CTSL: variants seen among roughly 807,000 people sequenced by gnomAD.
CTSL encodes procathepsin L.
CTSL carries 23 observed loss-of-function variants against 34.7 expected under a neutral mutation model. The observed-to-expected ratio is 0.66, with a 90% CI of 0.48 to 0.94. CTSL has a LOEUF of 0.94. CTSL is among the 40% of genes least tolerant of loss of function. CTSL has a pLI of 0.00. For synonymous variants in CTSL, 129 were observed against 136.7 expected, an observed-to-expected ratio of 0.94 and a Z score of 0.39; for missense variants, 361 against 406.3, an observed-to-expected ratio of 0.89 and a Z score of 0.96.
rs1457064012 is a variant in CTSL at position 87,728,705 on chromosome 9, C to T, written c.517C>T (p.Gln173Ter). Residue 173 changes from glutamine (Q) to a stop codon, truncating the protein, a stop_gained, in exon 5 of 8, where the codon CAA becomes TAA. Coordinates refer to ENST00000343150, the MANE Select transcript of CTSL (RefSeq NM_001912.5). LOFTEE classifies it high-confidence loss of function. Reference protein sequence around the residue: ...EQNLVDCSGPQGNEGCNGGLM... With the variant: ...EQNLVDCSGP ...GAATCTGGTAGACTGCTCTGGGCCT[C>T]AAGGCAATGAAGGCTGCAATGGTGG... 6.2e-7 allele frequency: 1 copy of T among 1,614,050 alleles called. No individual in the cohort carries two copies. The highest frequency in any genetic ancestry group is 8.5e-7 in the Non-Finnish European group (1 of 1,180,008).
At chr9:87,727,488 A>C in intron 1 of CTSL, 106 bp from the exon 2 acceptor site, 1 of 1,172,618 alleles carries the variant, frequency 8.5e-7, no homozygotes, top group Non-Finnish European at 1.2e-6. Context: ...TGGGAGAATA[A>C]TTTAAATATT....
rs747231438 is a variant in CTSL, at chr9:87,728,404, A to G, written c.396+8A>G. On this transcript the variant is annotated splice_region_variant and intron_variant, in intron 4 of 7. Transcript: ENST00000343150. The stretch of plus-strand genomic sequence containing the variant: ...ACTCCTGTGAAGAATCAGGTGAGAC[A>G]GTGTCAGGTTCAGACCTCCCATCTT... 5 of 1,611,394 alleles carry G rather than the reference A, an allele frequency of 3.1e-6. No individual in the cohort carries two copies. The South Asian group carries it at 3.3e-5, about 11-fold the overall frequency.
chr9:87,731,176 T>A lies in CTSL; in HGVS notation c.*69T>A. Reference sequence around the variant, plus strand: ...ATGCATGGGAGGAATTCATCTTCAGTCTACCAGCCCCCGCTGTGTCGGATA... The same window carrying A: ...ATGCATGGGAGGAATTCATCTTCAGACTACCAGCCCCCGCTGTGTCGGATA... On this transcript the variant is annotated 3_prime_UTR_variant, in exon 8 of 8. Transcript: ENST00000343150. 1 of 1,167,964 alleles carries A rather than the reference T, an allele frequency of 8.6e-7. No individual in the cohort carries two copies. Among genetic ancestry groups the A allele is most frequent in the Non-Finnish European group, 1.3e-6 (1 of 788,250 alleles). 72.4% of individuals were successfully genotyped at this position (1,167,964 alleles called of 1,614,324 possible). A position where few individuals can be genotyped will look rare whatever the true frequency, so the allele number is the denominator to read the frequency against.
Position 87,728,792 on chromosome 9 carries a change from T to A in CTSL, c.604T>A (p.Tyr202Asn). 1 of 1,614,220 alleles carries A rather than the reference T, an allele frequency of 6.2e-7. No individual in the cohort carries two copies. The highest frequency in any genetic ancestry group is 2.2e-5 in the East Asian group (1 of 44,886). Reference protein sequence around the residue: ...DNGGLDSEESYPYEATEESCK... With the variant: ...DNGGLDSEESNPYEATEESCK... ...TGGAGGCCTGGACTCTGAGGAATCC[T>A]ATCCATATGAGGCAACAGTAAGTGG... The change falls in exon 5 of 8, where the codon TAT becomes AAT. Residue 202 changes from tyrosine to asparagine, a missense_variant. Tyr to Asn is a moderately radical substitution (Grantham distance 143). Coordinates refer to ENST00000343150, the MANE Select transcript of CTSL (RefSeq NM_001912.5).
intron 6 of CTSL, 82 bp from the exon 7 acceptor site, chr9:87,730,299 T>A (rs1826207528): frequency 3.7e-6 from 3 of 814,118 alleles, no homozygotes; most frequent in Middle Eastern, 2.4e-4. Context: ...CAGAGATGCC[T>A]CATTCCCTGT....
intron 6 of CTSL, 120 bp downstream of exon 6, chr9:87,729,855 G>C: frequency 1.1e-6 from 1 of 935,644 alleles, no homozygotes; most frequent in Non-Finnish European, 1.6e-6. Context: ...TAGCATCATA[G>C]TTGTTCATTC....
Position 87,727,702 on chromosome 9 carries a change from G to A in CTSL, c.99G>A (p.Lys33=). Reference sequence around the variant, plus strand: ...TAGAGGCACAGTGGACCAAGTGGAAGGCGATGCACAACAGATTATACGGCA... The same window carrying A: ...TAGAGGCACAGTGGACCAAGTGGAAAGCGATGCACAACAGATTATACGGCA... The part of the protein sequence containing the change: ...HSLEAQWTKW[K]AMHNRLYGMN... Residue 33 remains lysine (K), a synonymous_variant, in exon 2 of 8, where the codon AAG becomes AAA. Coordinates refer to ENST00000343150, the MANE Select transcript of CTSL (RefSeq NM_001912.5). 2 of 1,614,176 alleles carry A rather than the reference G, an allele frequency of 1.2e-6. No homozygotes were observed. Among genetic ancestry groups the A allele is most frequent in the Admixed American group, 1.7e-5 (1 of 60,016 alleles).
intron 5 of CTSL, 196 bp downstream of exon 5, chr9:87,729,005 G>A: frequency 4.3e-6 from 6 of 1,379,974 alleles, no homozygotes; most frequent in Non-Finnish European, 5.7e-6. Flanking sequence ...GGGCAACAAG[G>A]TGAAACCTTG....
intron 7 of CTSL, 73 bp from the exon 8 acceptor site, chr9:87,730,929 TGTTTAA>T (rs1587872365): frequency 1.8e-6 from 2 of 1,108,152 alleles, no homozygotes; most frequent in East Asian, 4.9e-5. Flanking sequence ...TCTGGCACAG[TGTTTAA>T]GTTGGGTGTT....
At position 87,730,448 on chromosome 9, in the gene CTSL, A is replaced by C. The variant is rs537147424; in HGVS notation, c.852A>C (p.Gly284=). 2.9e-4 allele frequency: 461 copies of C among 1,613,398 alleles called. No homozygotes were observed. The highest frequency in any genetic ancestry group is 3.7e-4 in the Non-Finnish European group (431 of 1,179,730). Residue 284 remains glycine, a synonymous_variant, in exon 7 of 8, where the codon GGA becomes GGC. Coordinates refer to ENST00000343150, the MANE Select transcript of CTSL (RefSeq NM_001912.5). ...ATGGTGTGCTGGTGGTTGGCTACGG[A>C]TTTGAAAGCACAGAATCAGATAACA... The part of the protein sequence containing the change: ...MDHGVLVVGY[G]FESTESDNNK...
intron 6 of CTSL, among the ~76,000 whole-genome samples, chr9:87,729,989 A>G (rs889843016): frequency 1.3e-5 from 2 of 152,170 alleles, no homozygotes; most frequent in African/African-American, 4.8e-5. Context: ...AATATACTTA[A>G]AATATTCTGC....
At chr9:87,727,056 A>G (rs1033465076) in intron 1 of CTSL, among the ~76,000 whole-genome samples, 9 of 151,102 alleles carry the variant, frequency 6.0e-5, no homozygotes, top group African/African-American at 2.2e-4. Flanking sequence ...AAATAAATAA[A>G]TAAATAAATA....
chr9:87,727,903 C>A, intron 2 of CTSL, 124 bp from the exon 3 acceptor site: 7 of 1,460,388 alleles, frequency 4.8e-6, no homozygotes, highest in Non-Finnish European at 6.6e-6. Flanking sequence ...GAACAGCATC[C>A]CCAGAGGTGT....
Position 87,728,362 on chromosome 9 carries a change from G to A in CTSL, c.362G>A (p.Arg121Lys), listed in dbSNP as rs1826117903. 6.2e-7 allele frequency: 1 copy of A among 1,614,174 alleles called. No homozygotes were observed. The highest frequency in any genetic ancestry group is 8.5e-7 in the Non-Finnish European group (1 of 1,180,044). Residue 121 changes from arginine (R) to lysine (K), a missense_variant, in exon 4 of 8, where the codon AGA (arginine) becomes AAA (lysine). By Grantham distance (26) the Arg-to-Lys change is conservative (BLOSUM62 2). Transcript: ENST00000343150. ...FYEAPRSVDWREKGYVTPVKN... is the reference protein window; with the variant it reads ...FYEAPRSVDWKEKGYVTPVKN... ...GAGGCCCCCAGATCTGTGGATTGGA[G>A]AGAGAAAGGCTACGTGACTCCTGTG... is the stretch of plus-strand genomic sequence containing the variant.
chr9:87,728,328 C>G lies in CTSL; in HGVS notation c.328C>G (p.Leu110Val). Residue 110 changes from leucine to valine, a missense_variant, in exon 4 of 8, where the codon CTG becomes GTG. By Grantham distance (32) the Leu-to-Val change is conservative (BLOSUM62 1). Coordinates refer to ENST00000343150, the MANE Select transcript of CTSL (RefSeq NM_001912.5). ...GAAGGGGAAAGTGTTCCAGGAACCT[C>G]TGTTTTATGAGGCCCCCAGATCTGT... is the stretch of plus-strand genomic sequence containing the variant. ...PRKGKVFQEP[L>V]FYEAPRSVDW... 6.2e-7 allele frequency: 1 copy of G among 1,614,154 alleles called. No individual in the cohort carries two copies. Among genetic ancestry groups the G allele is most frequent in the Non-Finnish European group, 8.5e-7 (1 of 1,180,028 alleles).
intron 1 of CTSL, among the ~76,000 whole-genome samples, chr9:87,727,320 C>T (rs987705673): frequency 1.3e-5 from 2 of 152,084 alleles, no homozygotes; most frequent in African/African-American, 4.8e-5. Context: ...AGTTTCATAC[C>T]GTTCTCATAA....
rs781143098 is a variant in CTSL at position 87,729,619 on chromosome 9, C to T, written c.668C>T (p.Thr223Ile). 10 of 1,614,140 alleles carry T rather than the reference C, an allele frequency of 6.2e-6. No individual in the cohort carries two copies. Among genetic ancestry groups the T allele is most frequent in the Non-Finnish European group, 8.5e-6 (10 of 1,180,010 alleles). ...YNPKYSVAND[T>I]GFVDIPKQEK... ...CCCAAGTATTCTGTTGCTAATGACA[C>T]CGGCTTTGTGGACATCCCTAAGCAG... The change falls in exon 6 of 8, where the codon ACC becomes ATC. Residue 223 changes from threonine to isoleucine, a missense_variant. Transcript: ENST00000343150.
At chr9:87,727,982 G>T in intron 2 of CTSL, 45 bp from the exon 3 acceptor site, 1 of 1,609,282 alleles carries the variant, frequency 6.2e-7, no homozygotes, top group South Asian at 1.1e-5. Context: ...GATGAGTTGG[G>T]TTTTAGGTAG....
chr9:87,728,981 T>C (rs1354856278), intron 5 of CTSL, 172 bp downstream of exon 5: 1 of 1,434,098 alleles, frequency 7.0e-7, no homozygotes. Flanking sequence ...AGCTCAGGAG[T>C]TTGAGACCAG....
Sources: allele counts gnomAD v4.1 joint callset (sites outside exome capture counted in the v4.1 genomes callset), GRCh38; gene constraint gnomAD v4.1.1; transcripts MANE v1.5; gene names NCBI Gene and HGNC (gene_info 2026-07-23, HGNC 2026-07-21).